Variants in PCSK5 observed in about 807,000 individuals in gnomAD.
PCSK5 encodes the protein proprotein convertase subtilisin/kexin type 5.
PCSK5 carries 129 observed loss-of-function variants against 233.2 expected under a neutral mutation model. That is an observed-to-expected ratio of 0.55 (90% CI 0.48 to 0.64). The LOEUF (loss-of-function observed/expected upper bound fraction) is 0.64. PCSK5 is among the 30% of genes least tolerant of loss of function. The pLI is 0.00. For missense variants in PCSK5, 2,076 were observed against 2,430.1 expected, an observed-to-expected ratio of 0.85 and a Z score of 3.06; for synonymous variants, 825 against 879.2, an observed-to-expected ratio of 0.94 and a Z score of 1.09.
chr9:76,276,182 T>C (rs1220508033), intron 24 of PCSK5, among the ~76,000 whole-genome samples: 1 of 152,022 alleles, frequency 6.6e-6, no homozygotes, highest in East Asian at 1.9e-4. Context: ...TCTTAGTTTA[T>C]CCCTAATCAT....
At chr9:75,950,075 C>G (rs1479509120) in intron 2 of PCSK5, among the ~76,000 whole-genome samples, 1 of 127,400 alleles carries the variant, frequency 7.8e-6, no homozygotes, top group African/African-American at 3.0e-5. Flanking sequence ...TTTTAAGATA[C>G]TTTACAAACT....
intron 2 of PCSK5, among the ~76,000 whole-genome samples, chr9:75,974,009 T>A (rs1483952295): frequency 6.6e-6 from 1 of 152,198 alleles, no homozygotes; most frequent in East Asian, 1.9e-4. Context: ...TGGGGGAGAT[T>A]CGCTGCTCCT....
intron 30 of PCSK5, among the ~76,000 whole-genome samples, chr9:76,315,544 A>C (rs940388352): frequency 6.6e-6 from 1 of 152,220 alleles, no homozygotes; most frequent in African/African-American, 2.4e-5. Context: ...TTCTTAAATA[A>C]AATAATTGTG....
chr9:76,007,502 G>A (rs1827529134), intron 3 of PCSK5, among the ~76,000 whole-genome samples: 1 of 152,124 alleles, frequency 6.6e-6, no homozygotes, highest in African/African-American at 2.4e-5. Flanking sequence ...TAGTTCAAAA[G>A]AACAATAATA....
intron 6 of PCSK5, among the ~76,000 whole-genome samples, chr9:76,069,996 A>ATT (rs146321207): frequency 5.7e-5 from 7 of 122,566 alleles, no homozygotes; most frequent in Non-Finnish European, 6.6e-5. Flanking sequence ...TTCCATTCCA[A>ATT]TTTTTTTTTT....
chr9:76,164,540 A>G (rs1312936862), intron 12 of PCSK5, among the ~76,000 whole-genome samples: 1 of 152,170 alleles, frequency 6.6e-6, no homozygotes, highest in Non-Finnish European at 1.5e-5. Context: ...ACTCTATCAA[A>G]TGCAGTTGGC....
intron 24 of PCSK5, among the ~76,000 whole-genome samples, chr9:76,270,309 T>A (rs1440707020): frequency 6.6e-6 from 1 of 152,234 alleles, no homozygotes; most frequent in Non-Finnish European, 1.5e-5. Context: ...CCTCGGATGC[T>A]GAGAATGTGA....
chr9:76,151,845 C>G (rs893473377), intron 10 of PCSK5, among the ~76,000 whole-genome samples: 64 of 152,178 alleles, frequency 4.2e-4, no homozygotes, highest in Admixed American at 4.1e-3. Flanking sequence ...TTATTCTTGT[C>G]TCACCTTCTA....
intron 28 of PCSK5, among the ~76,000 whole-genome samples, chr9:76,308,105 G>A (rs552539344): frequency 2.0e-4 from 30 of 152,202 alleles, no homozygotes; most frequent in African/African-American, 6.5e-4. Context: ...ATTGAGGCAG[G>A]AGAATCACTT....
At chr9:75,986,613 A>G (rs1283087601) in intron 3 of PCSK5, among the ~76,000 whole-genome samples, 1 of 152,180 alleles carries the variant, frequency 6.6e-6, no homozygotes, top group African/African-American at 2.4e-5. Context: ...GTACCTTGAA[A>G]CTAGTCTAGC....
intron 1 of PCSK5, among the ~76,000 whole-genome samples, chr9:75,899,201 T>G (rs2131193753): frequency 6.6e-6 from 1 of 152,300 alleles, no homozygotes; most frequent in East Asian, 1.9e-4. Context: ...TGGACTGTTG[T>G]GTAGAATTAG....
chr9:75,916,015 A>G (rs1715741952), intron 1 of PCSK5, among the ~76,000 whole-genome samples: 1 of 152,202 alleles, frequency 6.6e-6, no homozygotes, highest in Non-Finnish European at 1.5e-5. Flanking sequence ...TATTTGACAT[A>G]TATTTAAGAC....
intron 8 of PCSK5, among the ~76,000 whole-genome samples, chr9:76,104,536 A>C (rs1417138843): frequency 6.6e-6 from 1 of 152,242 alleles, no homozygotes; most frequent in African/African-American, 2.4e-5. Context: ...CTTTATATTA[A>C]AGCATAAGTT....
chr9:76,063,138 T>A lies in PCSK5; in HGVS notation c.633-4817T>A, dbSNP rs186217538. Among the ~76,000 whole-genome samples, 1,468 of 150,320 alleles carry A rather than the reference T, an allele frequency of 9.8e-3. 34 individuals carry two copies. The highest frequency in any genetic ancestry group is 0.035 in the African/African-American group (1,414 of 40,896). On this transcript the variant is annotated intron_variant, in intron 5 of 37. Transcript: ENST00000674117. ...ATGTCAGGATTTAATTTTTTTTTCT[T>A]TTTTTTTTCTTTTTGAGACAGGGTC... is the stretch of plus-strand genomic sequence containing the variant.
At chr9:76,153,044 G>A (rs1470140713) in intron 10 of PCSK5, among the ~76,000 whole-genome samples, 1 of 152,192 alleles carries the variant, frequency 6.6e-6, no homozygotes, top group African/African-American at 2.4e-5. Flanking sequence ...TCTGGTGCAA[G>A]ATGAAACGGC....
chr9:76,282,506 T>C (rs191397075), intron 24 of PCSK5, among the ~76,000 whole-genome samples: 85 of 150,724 alleles, frequency 5.6e-4, no homozygotes, highest in Non-Finnish European at 3.6e-4. Context: ...TTTGTAGAAA[T>C]AGAGTCTCCC....
At chr9:76,116,015 G>A (rs961782537) in intron 9 of PCSK5, among the ~76,000 whole-genome samples, 1 of 152,016 alleles carries the variant, frequency 6.6e-6, no homozygotes, top group Non-Finnish European at 1.5e-5. Flanking sequence ...CTGGAATCTA[G>A]TTTTTGTATT....
chr9:76,074,837 T>A (rs1302825268), intron 7 of PCSK5, among the ~76,000 whole-genome samples: 1 of 152,232 alleles, frequency 6.6e-6, no homozygotes, highest in Non-Finnish European at 1.5e-5. Context: ...AAATTTGTCC[T>A]CAGTCCATCA....
chr9:75,902,513 A>G (rs1826088031), intron 1 of PCSK5, among the ~76,000 whole-genome samples: 1 of 152,138 alleles, frequency 6.6e-6, no homozygotes. Context: ...CAACCCAGAG[A>G]GTATTTTTAT....
Sources: allele counts gnomAD v4.1 joint callset (sites outside exome capture counted in the v4.1 genomes callset), GRCh38; gene constraint gnomAD v4.1.1; transcripts MANE v1.5; gene names NCBI Gene and HGNC (gene_info 2026-07-23, HGNC 2026-07-21).